Variants in DLG5 observed in about 807,000 individuals in gnomAD.
The protein encoded by DLG5 is disks large homolog 5.
Under a neutral mutation model 189.8 loss-of-function variants are expected in DLG5, and 48 were observed. The ratio of observed to expected loss-of-function variants is 0.25; its 90% confidence interval spans 0.20 to 0.32. DLG5 has a LOEUF of 0.32. Ranked by LOEUF, DLG5 falls within the 10% of genes least tolerant of loss-of-function variation. The pLI, the probability that DLG5 is intolerant of heterozygous loss-of-function variation, is 1.00. For missense variants in DLG5, 2,160 were observed against 2,544.7 expected (o/e 0.85, Z 3.25); for synonymous variants, 1,016 against 1,054.1 (o/e 0.96, Z 0.70).
chr10:77,848,724 G>T (rs1443779829), intron 5 of DLG5, among the ~76,000 whole-genome samples: 1 of 142,958 alleles, frequency 7.0e-6, no homozygotes, highest in Non-Finnish European at 1.6e-5. Context: ...TTTAAAGCAG[G>T]TTTCAGGGAA....
chr10:77,800,656 G>C (rs1367528012), intron 27 of DLG5, among the ~76,000 whole-genome samples: 1 of 152,224 alleles, frequency 6.6e-6, no homozygotes, highest in Non-Finnish European at 1.5e-5. Flanking sequence ...GGACCTGGTG[G>C]GTCATTATTC....
At chr10:77,872,743 G>A (rs998263948) in intron 1 of DLG5, among the ~76,000 whole-genome samples, 13 of 152,122 alleles carry the variant, frequency 8.5e-5, no homozygotes, top group African/African-American at 2.7e-4. Context: ...TTTCAAGGCC[G>A]GTTGCTTCCA....
At position 77,821,240 on chromosome 10, in the gene DLG5, C is replaced by T; in HGVS notation, c.3244G>A (p.Asp1082Asn). The change falls in exon 15 of 32, where the codon GAT (aspartate) becomes AAT (asparagine). Residue 1082 changes from aspartate to asparagine, a missense_variant. This residue lies in a region of DLG5 where 754 missense variants were observed against 746.5 expected (regional missense o/e 1.01). Transcript: ENST00000372391. ...RIASSYYPEG[D>N]GDSSHLPAKK... ...GCCGGCAGGTGGGAGGAGTCCCCAT[C>T]TCCTTCAGGGTAGTAGCTGGAAGCA... The T allele has an allele frequency of 6.2e-7, 1 of 1,614,066 alleles. No homozygotes were observed. Among genetic ancestry groups the T allele is most frequent in the Non-Finnish European group, 8.5e-7 (1 of 1,180,050 alleles).
chr10:77,849,648 C>A (rs909846837), intron 5 of DLG5, among the ~76,000 whole-genome samples: 1 of 152,182 alleles, frequency 6.6e-6, no homozygotes, highest in African/African-American at 2.4e-5. Flanking sequence ...CTGCCAAGGA[C>A]CACAACGGTA....
Position 77,853,399 on chromosome 10 carries a change from C to G in DLG5, c.819G>C (p.Glu273Asp). Residue 273 changes from glutamate (E) to aspartate (D), a missense_variant, in exon 5 of 32, where the codon GAG becomes GAC. Around this residue, in one of 5 missense-constraint regions of DLG5, gnomAD observed 664 missense variants for 838.5 expected, o/e 0.79. Transcript: ENST00000372391. Reference protein sequence around the residue: ...QSWEDMKRLHEEDQKEIGDLR... With the variant: ...QSWEDMKRLHDEDQKEIGDLR... The stretch of plus-strand genomic sequence containing the variant: ...GGTCACCGATCTCCTTCTGGTCCTC[C>G]TCGTGGAGCCGCTTCATGTCCTCCC... 1 of 1,603,468 alleles carries G rather than the reference C, an allele frequency of 6.2e-7. No homozygotes were observed.
chr10:77,818,469 G>A (rs1177133698), intron 17 of DLG5, among the ~76,000 whole-genome samples: 11 of 152,126 alleles, frequency 7.2e-5, no homozygotes, highest in Non-Finnish European at 1.5e-4. Flanking sequence ...CTTCATCACC[G>A]CTGCAGGTCC....
chr10:77,913,997 C>T (rs557641579), intron 1 of DLG5, among the ~76,000 whole-genome samples: 1 of 152,256 alleles, frequency 6.6e-6, no homozygotes, highest in African/African-American at 2.4e-5. Context: ...GCAATCAGAC[C>T]ATGTTCAGCT....
At chr10:77,843,300 C>A in intron 6 of DLG5, 147 bp downstream of exon 6, 1 of 963,092 alleles carries the variant, frequency 1.0e-6, no homozygotes, top group Non-Finnish European at 1.5e-6. Context: ...TCCCAAGACA[C>A]ATTCAGTGTC....
intron 1 of DLG5, among the ~76,000 whole-genome samples, chr10:77,897,260 G>A (rs1213129399): frequency 6.6e-6 from 1 of 152,076 alleles, no homozygotes; most frequent in Non-Finnish European, 1.5e-5. Context: ...GGAGGCTGAG[G>A]CGGGAGAATA....
intron 20 of DLG5, 34 bp downstream of exon 20, chr10:77,816,517 T>G: frequency 6.2e-7 from 1 of 1,613,816 alleles, no homozygotes; most frequent in South Asian, 1.1e-5. Context: ...TGTCCACTGG[T>G]TTACCCACTC....
chr10:77,809,556 G>A lies in DLG5; in HGVS notation c.4638C>T (p.Leu1546=), dbSNP rs1438906245. 2.5e-6 allele frequency: 4 copies of A among 1,612,652 alleles called. No homozygotes were observed. The African/African-American group carries it at 5.3e-5, about 22-fold the overall frequency. Reference sequence around the variant, plus strand: ...GCAGCTCAGAACTCACCTCCAGGATGAGGTCCCCTGGCACGAGGCCGTCAG... The same window carrying A: ...GCAGCTCAGAACTCACCTCCAGGATAAGGTCCCCTGGCACGAGGCCGTCAG... ...KGPDGLVPGD[L]ILEYGSLDVR... Residue 1546 remains leucine, a synonymous_variant, in exon 24 of 32, where the codon CTC becomes CTT. Transcript: ENST00000372391.
chr10:77,792,811 G>A (rs1342184904), intron 31 of DLG5: 1 of 446,264 alleles, frequency 2.2e-6, no homozygotes, highest in African/African-American at 2.0e-5. Context: ...GGAATCCCAG[G>A]GCATCAGAAG....
chr10:77,858,267 A>G (rs1349864093), intron 2 of DLG5, among the ~76,000 whole-genome samples: 1 of 152,206 alleles, frequency 6.6e-6, no homozygotes, highest in Non-Finnish European at 1.5e-5. Context: ...ATGTGGTCCC[A>G]TAAGATTATA....
chr10:77,910,282 T>A (rs1239330955), intron 1 of DLG5, among the ~76,000 whole-genome samples: 22 of 152,196 alleles, frequency 1.4e-4, no homozygotes, highest in Non-Finnish European at 1.2e-4. Context: ...ACTCCAGGGC[T>A]TGCCTAGCCT....
At position 77,831,706 on chromosome 10, in the gene DLG5, T is replaced by C. The variant is rs573580940; in HGVS notation, c.1749-833A>G. Among the ~76,000 whole-genome samples the C allele has an allele frequency of 8.5e-5, 13 of 152,332 alleles. No individual in the cohort carries two copies. The East Asian group carries it at 1.4e-3, about 16-fold the overall frequency. On this transcript the variant is annotated intron_variant, in intron 9 of 31. Transcript: ENST00000372391. ...CAGAGGAAGGACAGCCTCCAACTAA[T>C]GATGCTGGAGCGACTGCACATCCAT...
intron 24 of DLG5, 177 bp from the exon 25 acceptor site, chr10:77,808,121 T>C: frequency 1.3e-6 from 1 of 780,482 alleles, no homozygotes; most frequent in Non-Finnish European, 2.0e-6. Flanking sequence ...AGTCTCCAGG[T>C]CCTGTGCATG....
At chr10:77,835,526 G>A (rs543659283) in intron 8 of DLG5, among the ~76,000 whole-genome samples, 2 of 152,334 alleles carry the variant, frequency 1.3e-5, no homozygotes, top group South Asian at 2.1e-4. Flanking sequence ...GGGACACCTA[G>A]GGCTGAGTGA....
chr10:77,875,856 C>T (rs1248651), intron 1 of DLG5, among the ~76,000 whole-genome samples: 109,473 of 151,432 alleles, frequency 0.72, 40,246 homozygotes, highest in African/African-American at 0.86. Context: ...AGGGCAGCCC[C>T]AGCCCCTCCC....
chr10:77,876,456 C>A (rs1398136234), intron 1 of DLG5, among the ~76,000 whole-genome samples: 1 of 151,094 alleles, frequency 6.6e-6, no homozygotes, highest in Non-Finnish European at 1.5e-5. Flanking sequence ...CTCACTGTAA[C>A]CTCCACCTCC....
Sources: allele counts gnomAD v4.1 joint callset (sites outside exome capture counted in the v4.1 genomes callset), GRCh38; gene constraint gnomAD v4.1.1; regional missense constraint gnomAD v4.1.1; transcripts MANE v1.5; gene names NCBI Gene and HGNC (gene_info 2026-07-23, HGNC 2026-07-21).